The following HFM1 variants were observed in gnomAD, a reference collection of about 807,000 sequenced individuals.
HFM1 encodes the protein helicase for meiosis 1.
HFM1 carries 169 observed loss-of-function variants against 192.1 expected under a neutral mutation model. The observed-to-expected ratio is 0.88, with a 90% CI of 0.78 to 1.00. The LOEUF is 1.00. Ranked by LOEUF, HFM1 falls within the 50% of genes least tolerant of loss-of-function variation. The probability of loss-of-function intolerance (pLI) is 0.00; values close to 1 mark genes in which losing one functional copy is unlikely to be tolerated. For synonymous variants in HFM1, 525 were observed against 537.8 expected (o/e 0.98, Z 0.33); for missense variants, 1,661 against 1,668.0 (o/e 1.00, Z 0.07).
intron 18 of HFM1, among the ~76,000 whole-genome samples, chr1:91,350,043 C>T (rs1158444553): frequency 1.3e-5 from 2 of 152,108 alleles, no homozygotes; most frequent in African/African-American, 4.8e-5. Flanking sequence ...TATATTCCTT[C>T]ACTTTATGAT....
At position 91,333,571 on chromosome 1, in the gene HFM1, T is replaced by C. The variant is rs1003094878; in HGVS notation, c.2336-8805A>G. Among the ~76,000 whole-genome samples the C allele has an allele frequency of 4.6e-5, 7 of 151,996 alleles. No homozygotes were observed. In the East Asian group the frequency reaches 5.8e-4, roughly 13 times the overall value. ...ATTTGATAGCATAACAGGGTGACGA[T>C]AGTCAATAATAATTTGACTGTACAT... On this transcript the variant is annotated intron_variant, in intron 20 of 38. Transcript: ENST00000370425.
chr1:91,365,061 A>G (rs1659103947), intron 13 of HFM1, among the ~76,000 whole-genome samples: 1 of 152,164 alleles, frequency 6.6e-6, no homozygotes, highest in Non-Finnish European at 1.5e-5. Flanking sequence ...CCTGGAGTAC[A>G]TTGCTAAGAC....
intron 26 of HFM1, 60 bp from the exon 27 acceptor site, chr1:91,316,244 A>T: frequency 2.6e-6 from 3 of 1,134,168 alleles, no homozygotes; most frequent in Non-Finnish European, 3.8e-6. Flanking sequence ...TTAGTAAAAT[A>T]TTTTTTAGAA....
At chr1:91,274,554 A>C (rs2100759445) in intron 33 of HFM1, among the ~76,000 whole-genome samples, 176 bp downstream of exon 33, 1 of 152,198 alleles carries the variant, frequency 6.6e-6, no homozygotes, top group Middle Eastern at 3.4e-3. Context: ...GTTCTAAATA[A>C]ATTTAGGGTA....
chr1:91,362,504 T>C (rs1368677307), intron 13 of HFM1, among the ~76,000 whole-genome samples: 2 of 152,072 alleles, frequency 1.3e-5, no homozygotes, highest in African/African-American at 4.8e-5. Context: ...AAGAAACTTT[T>C]CAAGGAAAAC....
At chr1:91,406,433 T>G (rs1571267454), upstream of HFM1, among the ~76,000 whole-genome samples, 1 of 152,240 alleles carries the variant, frequency 6.6e-6, no homozygotes, top group East Asian at 1.9e-4. Flanking sequence ...CTCACTCATT[T>G]ATTCAAGAAT....
intron 20 of HFM1, among the ~76,000 whole-genome samples, chr1:91,332,198 CAAACTATACTACAGAGCTATAGTAACCA>C (rs1239905452): frequency 6.6e-6 from 1 of 152,150 alleles, no homozygotes; most frequent in Non-Finnish European, 1.5e-5. Flanking sequence ...TACCTGATTT[CAAACTATACTACAGAGCTATAGTAACCA>C]AAACAATATG....
rs1319966505 is a variant in HFM1 at position 91,262,497 on chromosome 1, G to A, written c.4070C>T (p.Ala1357Val). 1 of 1,599,348 alleles carries A rather than the reference G, an allele frequency of 6.3e-7. No individual in the cohort carries two copies. Among genetic ancestry groups the A allele is most frequent in the Admixed American group, 1.7e-5 (1 of 59,616 alleles). The change falls in exon 37 of 39, where the codon GCC (alanine) becomes GTC (valine). Residue 1357 changes from alanine to valine, a missense_variant. Physicochemically the swap from Ala to Val is moderately conservative, Grantham distance 64 (BLOSUM62 0). Transcript: ENST00000370425. Reference protein sequence around the residue: ...ASSMTKLPQQAGNAVIVHFQE... With the variant: ...ASSMTKLPQQVGNAVIVHFQE... The stretch of plus-strand genomic sequence containing the variant: ...TCTTCTTACAATAACTGCATTTCCG[G>A]CTTGTTGAGGTAATTTTGTCATGGA...
intron 30 of HFM1, among the ~76,000 whole-genome samples, chr1:91,309,322 A>C (rs188611362): frequency 4.8e-4 from 73 of 152,342 alleles, no homozygotes; most frequent in Admixed American, 1.0e-3. Flanking sequence ...AAGTGTTTAT[A>C]TATTTAGTGC....
At chr1:91,302,081 A>G (rs553617482) in intron 30 of HFM1, among the ~76,000 whole-genome samples, 52 of 148,012 alleles carry the variant, frequency 3.5e-4, no homozygotes, top group African/African-American at 1.3e-3. Context: ...ACAAATTTAC[A>G]AGAAAATATC....
At chr1:91,287,364 A>C (rs899957742) in intron 30 of HFM1, among the ~76,000 whole-genome samples, 9 of 152,172 alleles carry the variant, frequency 5.9e-5, no homozygotes, top group Non-Finnish European at 8.8e-5. Context: ...CTGACCCCCA[A>C]GCAGCCTAAC....
Position 91,385,669 on chromosome 1 carries a change from A to G in HFM1, c.660T>C (p.Phe220=). ...KQKFQYSANV[F]TANNAFSASE... is the part of the protein sequence containing the mutation. ...AAGCAGAAAAAGCATTATTTGCTGT[A>G]AACACATTTGCAGAATACTGAAATT... is the stretch of plus-strand genomic sequence containing the variant. Residue 220 remains phenylalanine (F), a synonymous_variant, in exon 5 of 39, where the codon TTT becomes TTC. Coordinates refer to ENST00000370425, the MANE Select transcript of HFM1 (RefSeq NM_001017975.6). The G allele has an allele frequency of 6.2e-7, 1 of 1,611,664 alleles. No homozygotes were observed. The highest frequency in any genetic ancestry group is 1.1e-5 in the South Asian group (1 of 91,046).
chr1:91,262,121 T>C (rs1309107586), intron 38 of HFM1, 120 bp downstream of exon 38: 1 of 497,918 alleles, frequency 2.0e-6, no homozygotes, highest in Non-Finnish European at 3.5e-6. Context: ...TTTTAATGTC[T>C]TTAATAAATG....
chr1:91,406,131 C>T (rs137900281), upstream of HFM1, among the ~76,000 whole-genome samples: 1 of 152,310 alleles, frequency 6.6e-6, no homozygotes, highest in African/African-American at 2.4e-5. Flanking sequence ...TCTTTTCCTA[C>T]CATGTGAGGA....
chr1:91,337,343 A>G (rs1211508234), intron 20 of HFM1, among the ~76,000 whole-genome samples: 1 of 152,240 alleles, frequency 6.6e-6, no homozygotes, highest in Non-Finnish European at 1.5e-5. Context: ...CTTGAGTATT[A>G]TGATTACAAC....
At position 91,313,486 on chromosome 1, in the gene HFM1, T is replaced by C; in HGVS notation, c.3254A>G (p.Asp1085Gly). 1.3e-6 allele frequency: 2 copies of C among 1,579,428 alleles called. No individual in the cohort carries two copies. Among genetic ancestry groups the C allele is most frequent in the Non-Finnish European group, 1.7e-6 (2 of 1,164,660 alleles). The change falls in exon 30 of 39, where the codon GAT (aspartate) becomes GGT (glycine). Residue 1085 changes from aspartate to glycine, a missense_variant. Asp to Gly is a moderately conservative substitution (Grantham distance 94). Transcript: ENST00000370425. ...NLISSEFVGL[D>G]IQQKLTVFYL... ...AAAGACTGTAAGTTTCTGCTGAATA[T>C]CAAGCCCAACTGGAAAATGAAAAAA...
At chr1:91,335,172 T>C (rs1292257850) in intron 20 of HFM1, among the ~76,000 whole-genome samples, 1 of 152,094 alleles carries the variant, frequency 6.6e-6, no homozygotes, top group Admixed American at 6.5e-5. Context: ...CAATCAGGAA[T>C]AGAGAAGTAG....
intron 30 of HFM1, among the ~76,000 whole-genome samples, chr1:91,288,807 CTCTT>C (rs1557785105): frequency 6.6e-6 from 1 of 152,232 alleles, no homozygotes; most frequent in Non-Finnish European, 1.5e-5. Context: ...AATCTGATCT[CTCTT>C]TCTTTTCCCC....
At chr1:91,289,754 G>A (rs930850075) in intron 30 of HFM1, among the ~76,000 whole-genome samples, 1 of 152,148 alleles carries the variant, frequency 6.6e-6, no homozygotes, top group Non-Finnish European at 1.5e-5. Context: ...CAGGCACTCG[G>A]CAGGCTGAGG....
Sources: gnomAD v4.1 joint callset for allele counts (sites outside exome capture counted in the v4.1 genomes callset) on GRCh38, gnomAD v4.1.1 for gene constraint, MANE v1.5 for transcripts, NCBI Gene and HGNC (gene_info 2026-07-23, HGNC 2026-07-21) for gene names.